The following LRP1B variants were observed in gnomAD, a reference collection of about 807,000 sequenced individuals.
LRP1B encodes LDL receptor related protein 1B.
In LRP1B, 217 loss-of-function variants were observed where a neutral mutation model predicts 556.6. The observed-to-expected ratio is 0.39, with a 90% CI of 0.35 to 0.44. The LOEUF is 0.44. LRP1B is among the 20% of genes least tolerant of loss of function. The probability of loss-of-function intolerance (pLI) is 1.00; values close to 1 mark genes in which losing one functional copy is unlikely to be tolerated. For synonymous variants in LRP1B, 2,047 were observed against 1,865.8 expected, an observed-to-expected ratio of 1.10 and a Z score of -2.50; for missense variants, 5,053 against 5,620.8, an observed-to-expected ratio of 0.90 and a Z score of 3.23.
chr2:140,322,811 G>C (rs187488429), intron 81 of LRP1B, among the ~76,000 whole-genome samples: 1 of 152,054 alleles, frequency 6.6e-6, no homozygotes, highest in African/African-American at 2.4e-5. Context: ...GACTATGAGA[G>C]TGGCTTTTTT....
intron 1 of LRP1B, among the ~76,000 whole-genome samples, chr2:141,821,002 G>A (rs1055681540): frequency 6.6e-5 from 10 of 152,220 alleles, no homozygotes; most frequent in Non-Finnish European, 1.5e-4. Flanking sequence ...TCACAAGGGT[G>A]CTTGCCAGGG....
chr2:141,111,942 G>A (rs1700763458), intron 7 of LRP1B, among the ~76,000 whole-genome samples: 1 of 151,862 alleles, frequency 6.6e-6, no homozygotes, highest in South Asian at 2.1e-4. Flanking sequence ...GCTGCTGGGG[G>A]TGCTGAGGCA....
At chr2:141,677,858 T>A (rs1312951383) in intron 2 of LRP1B, among the ~76,000 whole-genome samples, 1 of 152,258 alleles carries the variant, frequency 6.6e-6, no homozygotes, top group Non-Finnish European at 1.5e-5. Flanking sequence ...TAACCTAGCC[T>A]TGGGGAAAGA....
chr2:141,462,631 G>A (rs1280738901), intron 3 of LRP1B, among the ~76,000 whole-genome samples: 1 of 151,992 alleles, frequency 6.6e-6, no homozygotes, highest in Non-Finnish European at 1.5e-5. Context: ...TGCACGTTTT[G>A]CACATGTATC....
chr2:140,660,201 G>A lies in LRP1B; in HGVS notation c.6799+40049C>T, dbSNP rs181315631. Among the ~76,000 whole-genome samples the A allele has an allele frequency of 4.6e-5, 7 of 151,186 alleles. No individual in the cohort carries two copies. In the East Asian group the frequency reaches 1.2e-3, roughly 25 times the overall value. On this transcript the variant is annotated intron_variant, in intron 41 of 90. Coordinates refer to ENST00000389484, the MANE Select transcript of LRP1B (RefSeq NM_018557.3). ...TTCAACTTTTAAAGTAACTTTTTCT[G>A]GGTTCGTCTTCATATTCATAAATAA...
At chr2:141,461,484 G>A (rs1372889844) in intron 3 of LRP1B, among the ~76,000 whole-genome samples, 1 of 152,138 alleles carries the variant, frequency 6.6e-6, no homozygotes, top group African/African-American at 2.4e-5. Flanking sequence ...GGAAATGAAA[G>A]TCTATATATA....
intron 32 of LRP1B, among the ~76,000 whole-genome samples, chr2:140,783,342 GATAA>G (rs1689766449): frequency 1.3e-5 from 2 of 151,006 alleles, no homozygotes; most frequent in Non-Finnish European, 2.9e-5. Context: ...TTGAATTCCA[GATAA>G]ATAAAGAGTA....
intron 2 of LRP1B, among the ~76,000 whole-genome samples, chr2:141,719,147 C>A (rs1035428034): frequency 6.6e-6 from 1 of 152,076 alleles, no homozygotes; most frequent in Non-Finnish European, 1.5e-5. Flanking sequence ...GCATTACTAT[C>A]ATCTCTAATA....
intron 7 of LRP1B, among the ~76,000 whole-genome samples, chr2:141,090,645 G>C (rs1427922890): frequency 1.3e-5 from 2 of 152,126 alleles, no homozygotes; most frequent in Non-Finnish European, 2.9e-5. Context: ...TTTATGTCAG[G>C]TTAGAACTCA....
In LRP1B at chr2:140,501,772, T is replaced by G. The variant is rs1162472857; in HGVS notation, c.8765A>C (p.Glu2922Ala). The G allele has an allele frequency of 1.3e-5, 21 of 1,612,748 alleles. No individual in the cohort carries two copies. In the Admixed American group the frequency reaches 3.5e-4, roughly 27 times the overall value. Residue 2922 changes from glutamate (E) to alanine (A), a missense_variant, in exon 55 of 91, where the codon GAG (glutamate) becomes GCG (alanine). Around this residue, in one of 5 missense-constraint regions of LRP1B, gnomAD observed 3,619 missense variants for 3,931.9 expected, o/e 0.92. Coordinates refer to ENST00000389484, the MANE Select transcript of LRP1B (RefSeq NM_018557.3). ...NKDDCGDGSD[E>A]RNCHINECLS... ...ACATTCATTTATATGGCAGTTTCTC[T>G]CATCTGAACCATCGCCACAGTCATC...
At chr2:140,478,195 G>A (rs972533090) in intron 59 of LRP1B, among the ~76,000 whole-genome samples, 1 of 129,320 alleles carries the variant, frequency 7.7e-6, no homozygotes, top group Non-Finnish European at 1.5e-5. Context: ...TGTTGCCCAC[G>A]CTGGAGTGCA....
intron 66 of LRP1B, among the ~76,000 whole-genome samples, chr2:140,429,290 C>T (rs1273659334): frequency 6.6e-6 from 1 of 152,178 alleles, no homozygotes; most frequent in African/African-American, 2.4e-5. Context: ...GCCTTATCAA[C>T]CAAATTGTTT....
intron 45 of LRP1B, among the ~76,000 whole-genome samples, chr2:140,538,561 A>T (rs1680015201): frequency 8.5e-6 from 1 of 117,808 alleles, no homozygotes; most frequent in Non-Finnish European, 2.0e-5. Context: ...TGTTCCAAAG[A>T]TATATTTCTT....
chr2:140,984,097 A>G (rs1696849870), intron 17 of LRP1B, among the ~76,000 whole-genome samples: 2 of 152,008 alleles, frequency 1.3e-5, no homozygotes, highest in South Asian at 4.2e-4. Flanking sequence ...ATAGAAATAT[A>G]CACAAAATCT....
intron 1 of LRP1B, among the ~76,000 whole-genome samples, chr2:141,920,113 C>G (rs1369544): frequency 6.6e-6 from 1 of 151,748 alleles, no homozygotes; most frequent in Admixed American, 6.6e-5. Flanking sequence ...TTATGTGTTT[C>G]CTCAGTACCA....
At chr2:141,696,999 T>C (rs1220989213) in intron 2 of LRP1B, among the ~76,000 whole-genome samples, 2 of 151,940 alleles carry the variant, frequency 1.3e-5, no homozygotes, top group African/African-American at 4.8e-5. Context: ...AAAAATAAGA[T>C]AGGTCAGTTT....
intron 32 of LRP1B, among the ~76,000 whole-genome samples, chr2:140,801,484 C>T (rs186246020): frequency 5.3e-5 from 8 of 152,128 alleles, no homozygotes; most frequent in East Asian, 1.9e-4. Context: ...GGAAGAGTTA[C>T]GGGAGCAAGG....
chr2:141,219,789 G>A (rs900618638), intron 6 of LRP1B, among the ~76,000 whole-genome samples: 2 of 152,170 alleles, frequency 1.3e-5, no homozygotes, highest in East Asian at 1.9e-4. Flanking sequence ...GTTGCAGGAG[G>A]GACCCAGGTG....
intron 1 of LRP1B, among the ~76,000 whole-genome samples, chr2:142,096,829 T>A (rs1706387906): frequency 6.6e-6 from 1 of 151,544 alleles, no homozygotes; most frequent in Admixed American, 6.6e-5. Flanking sequence ...ATCACCCAGG[T>A]ACTGAGCATA....
Sources: allele counts gnomAD v4.1 joint callset (sites outside exome capture counted in the v4.1 genomes callset), GRCh38; gene constraint gnomAD v4.1.1; regional missense constraint gnomAD v4.1.1; transcripts MANE v1.5; gene names NCBI Gene and HGNC (gene_info 2026-07-23, HGNC 2026-07-21).